ADAP1: variants seen among roughly 807,000 people sequenced by gnomAD.
The protein encoded by ADAP1 is ArfGAP with dual PH domains 1.
Under a neutral mutation model 54.9 loss-of-function variants are expected in ADAP1, and 31 were observed. The observed-to-expected ratio is 0.56, with a 90% CI of 0.42 to 0.76. The LOEUF (loss-of-function observed/expected upper bound fraction) is 0.76, where lower values mean the gene tolerates loss of function less well. ADAP1 is among the 30% of genes least tolerant of loss of function. The pLI, the probability that ADAP1 is intolerant of heterozygous loss-of-function variation, is 0.00. For missense variants in ADAP1, 535 were observed against 512.4 expected (o/e 1.04, Z -0.42); for synonymous variants, 313 against 202.6 (o/e 1.55, Z -4.63).
chr7:902,944 G>A lies in ADAP1; in HGVS notation c.648+1182C>T, dbSNP rs1844895355. 2.6e-5 allele frequency among the ~76,000 whole-genome samples: 4 copies of A among 152,182 alleles called. No individual in the cohort carries two copies. In the South Asian group the frequency reaches 6.2e-4, roughly 24 times the overall value. ...TCTAAGCCAGGCAGGAGGTAGAACA[G>A]TCCAAGGTGCCAGGTGACCCCTTTC... On this transcript the variant is annotated intron_variant, in intron 6 of 10. Coordinates refer to ENST00000265846, the MANE Select transcript of ADAP1 (RefSeq NM_006869.4).
intron 4 of ADAP1, among the ~76,000 whole-genome samples, chr7:910,269 G>C (rs148040434): frequency 6.6e-6 from 1 of 150,792 alleles, no homozygotes; most frequent in Non-Finnish European, 1.5e-5. Flanking sequence ...CGTTTACGAG[G>C]CTTTTTTTTT....
chr7:950,926 A>G (rs1207609860), intron 1 of ADAP1, among the ~76,000 whole-genome samples: 1 of 150,420 alleles, frequency 6.6e-6, no homozygotes, highest in Non-Finnish European at 1.5e-5. Flanking sequence ...GACTGGGGAG[A>G]GGAAATCTGG....
intron 4 of ADAP1, among the ~76,000 whole-genome samples, chr7:914,402 G>A (rs962028060): frequency 7.9e-5 from 12 of 152,214 alleles, no homozygotes; most frequent in Admixed American, 5.9e-4. Flanking sequence ...GGGCAGGAAC[G>A]CCGCCGGGAA....
At chr7:950,710 AG>A (rs1160026846) in intron 1 of ADAP1, among the ~76,000 whole-genome samples, 1 of 151,748 alleles carries the variant, frequency 6.6e-6, no homozygotes. Flanking sequence ...TACAAAAATT[AG>A]CCGGGCGTGG....
At position 954,381 on chromosome 7, in the gene ADAP1, C is replaced by T. The variant is rs558834692; in HGVS notation, c.82+15G>A. Reference sequence around the variant, plus strand: ...CGGACCCACCCGGCCCCGCGCCCACCCGGCCCACACCTACCCGGGGCGCCG... The same window carrying T: ...CGGACCCACCCGGCCCCGCGCCCACTCGGCCCACACCTACCCGGGGCGCCG... On this transcript the variant is annotated intron_variant, in intron 1 of 10. Coordinates refer to ENST00000265846, the MANE Select transcript of ADAP1 (RefSeq NM_006869.4). 518 of 1,085,502 alleles carry T rather than the reference C, an allele frequency of 4.8e-4. 3 individuals are homozygous for T. In the African/African-American group the frequency reaches 7.2e-3, roughly 15 times the overall value. 67.2% of individuals were successfully genotyped at this position (1,085,502 alleles called of 1,614,324 possible).
At chr7:917,947 T>A (rs1345413990) in intron 4 of ADAP1, among the ~76,000 whole-genome samples, 1 of 152,086 alleles carries the variant, frequency 6.6e-6, no homozygotes, top group Non-Finnish European at 1.5e-5. Context: ...AATTTTGCAT[T>A]TTTTGGTAGA....
At chr7:932,577 C>T (rs186395222) in intron 2 of ADAP1, among the ~76,000 whole-genome samples, 55 of 152,250 alleles carry the variant, frequency 3.6e-4, no homozygotes, top group Non-Finnish European at 3.4e-4. Flanking sequence ...CCCTGTTGTC[C>T]GGGGAGGGGG....
intron 3 of ADAP1, among the ~76,000 whole-genome samples, chr7:924,492 A>G (rs1318318387): frequency 4.8e-5 from 3 of 63,060 alleles, no homozygotes; most frequent in Non-Finnish European, 8.6e-5. Context: ...CAGCAGGTCC[A>G]CGCTGCACCC....
At chr7:906,757 GACAGGGGACATGGGGGACA>G (rs1845454660) in intron 4 of ADAP1, among the ~76,000 whole-genome samples, 1 of 45,610 alleles carries the variant, frequency 2.2e-5, no homozygotes, top group Non-Finnish European at 4.4e-5. Flanking sequence ...AGGGGACATG[GACAGGGGACATGGGGGACA>G]GGGGACACGG....
chr7:919,278 G>A (rs1846063237), intron 4 of ADAP1, among the ~76,000 whole-genome samples: 1 of 152,190 alleles, frequency 6.6e-6, no homozygotes, highest in South Asian at 2.1e-4. Flanking sequence ...TGCCCACACT[G>A]CTGGAGACAG....
chr7:900,667 G>T (rs1049931786), intron 6 of ADAP1, 51 bp from the exon 7 acceptor site: 5 of 1,373,538 alleles, frequency 3.6e-6, no homozygotes, highest in South Asian at 1.3e-5. Flanking sequence ...GCAGCGCTGG[G>T]GTCCCCACAG....
At chr7:925,175 C>G (rs1846339806) in intron 3 of ADAP1, among the ~76,000 whole-genome samples, 1 of 152,060 alleles carries the variant, frequency 6.6e-6, no homozygotes, top group Non-Finnish European at 1.5e-5. Flanking sequence ...AACAAATCAA[C>G]ATGCAGCCAA....
intron 4 of ADAP1, among the ~76,000 whole-genome samples, chr7:910,292 C>T (rs907877174): frequency 6.6e-6 from 1 of 151,900 alleles, no homozygotes; most frequent in African/African-American, 2.4e-5. Flanking sequence ...TTTCCCCACC[C>T]AGGCTGGAGT....
At chr7:916,330 G>A (rs1845932030) in intron 4 of ADAP1, among the ~76,000 whole-genome samples, 1 of 152,180 alleles carries the variant, frequency 6.6e-6, no homozygotes, top group African/African-American at 2.4e-5. Context: ...ATCAAGCTGT[G>A]CCCTGTTATT....
At chr7:902,905 A>AT (rs1489941244) in intron 6 of ADAP1, among the ~76,000 whole-genome samples, 2 of 152,250 alleles carry the variant, frequency 1.3e-5, no homozygotes, top group Admixed American at 1.3e-4. Context: ...CTAGAATTCT[A>AT]TATCTAGCCA....
intron 1 of ADAP1, among the ~76,000 whole-genome samples, chr7:950,849 T>G (rs1583192337): frequency 1.1e-5 from 1 of 90,234 alleles, no homozygotes; most frequent in Non-Finnish European, 2.0e-5. Flanking sequence ...AGAGCAAGAC[T>G]CCGTCTCAAA....
intron 1 of ADAP1, 36 bp downstream of exon 1, chr7:954,360 C>A: frequency 9.7e-7 from 1 of 1,030,538 alleles, no homozygotes; most frequent in Non-Finnish European, 1.2e-6. Flanking sequence ...CCACCCCGGA[C>A]CCACCCGGCC....
At chr7:905,690 G>C (rs1845199412) in intron 4 of ADAP1, 1 of 85,306 alleles carries the variant, frequency 1.2e-5, no homozygotes, top group African/African-American at 5.6e-5. Flanking sequence ...GGAGAAAGGA[G>C]AAAGGAGAAA....
At chr7:901,997 G>C (rs1844841879) in intron 6 of ADAP1, among the ~76,000 whole-genome samples, 1 of 152,038 alleles carries the variant, frequency 6.6e-6, no homozygotes, top group Non-Finnish European at 1.5e-5. Flanking sequence ...GGCATGCCTG[G>C]TGCACTCCAC....
Sources: gnomAD v4.1 joint callset for allele counts (sites outside exome capture counted in the v4.1 genomes callset) on GRCh38, gnomAD v4.1.1 for gene constraint, MANE v1.5 for transcripts, NCBI Gene and HGNC (gene_info 2026-07-23, HGNC 2026-07-21) for gene names.